COL18A1: variants seen among roughly 807,000 people sequenced by gnomAD.
COL18A1 encodes the protein collagen alpha-1(XVIII) chain.
COL18A1 carries 133 observed loss-of-function variants against 168.0 expected under a neutral mutation model. The ratio of observed to expected loss-of-function variants is 0.79; its 90% CI spans 0.69 to 0.91. The LOEUF (loss-of-function observed/expected upper bound fraction) is 0.91, where lower values mean the gene tolerates loss of function less well. COL18A1 is among the 40% of genes least tolerant of loss of function. The pLI, the probability that COL18A1 is intolerant of heterozygous loss-of-function variation, is 0.00. For missense variants in COL18A1, 2,126 were observed against 1,925.4 expected, an observed-to-expected ratio of 1.10 and a Z score of -1.95; for synonymous variants, 949 against 809.0, an observed-to-expected ratio of 1.17 and a Z score of -2.94.
chr21:45,493,809 C>G, intron 26 of COL18A1: 2 of 563,556 alleles, frequency 3.5e-6, no homozygotes, highest in Admixed American at 6.2e-5. Flanking sequence ...CTGAGCCCAC[C>G]CTGCTGAGGG....
chr21:45,430,834 C>T (rs143251202), intron 2 of COL18A1, among the ~76,000 whole-genome samples: 1 of 152,324 alleles, frequency 6.6e-6, no homozygotes, highest in Non-Finnish European at 1.5e-5. Flanking sequence ...GCCGGGATCA[C>T]GAGGCTCTGC....
chr21:45,458,706 C>A (rs143513815), intron 2 of COL18A1, among the ~76,000 whole-genome samples: 1 of 152,198 alleles, frequency 6.6e-6, no homozygotes, highest in Non-Finnish European at 1.5e-5. Context: ...CCACCTTGTC[C>A]TCCACTGCAA....
chr21:45,482,645 A>G, intron 14 of COL18A1, 150 bp from the exon 15 acceptor site: 1 of 1,178,024 alleles, frequency 8.5e-7, no homozygotes. Context: ...GGGGGATGAC[A>G]GCGGCAACAG....
rs980256000 is a variant in COL18A1 at position 45,490,703 on chromosome 21, T to C, written c.2032-133T>C. 3 of 931,308 alleles carry C rather than the reference T, an allele frequency of 3.2e-6. No homozygotes were observed. In the African/African-American group the frequency reaches 5.0e-5, roughly 15 times the overall value. 57.7% of individuals were successfully genotyped at this position (931,308 alleles called of 1,614,324 possible). A position where few individuals can be genotyped will look rare whatever the true frequency, so the allele number is the denominator to read the frequency against. ...TATAAGTCTCCGTCAGGGCTCTTGGTGGCTGCCTCCCTCCCAGGCCCCAGC... is the reference window on the plus strand; with the variant it reads ...TATAAGTCTCCGTCAGGGCTCTTGGCGGCTGCCTCCCTCCCAGGCCCCAGC... On this transcript the variant is annotated intron_variant, in intron 20 of 41. Transcript: ENST00000651438.
At chr21:45,475,192 C>G (rs1010684700) in intron 4 of COL18A1, among the ~76,000 whole-genome samples, 4 of 152,218 alleles carry the variant, frequency 2.6e-5, no homozygotes, top group African/African-American at 9.6e-5. Context: ...GGAGCGCGTT[C>G]CCCCTCCCGC....
chr21:45,429,844 C>T (rs1030709983), intron 2 of COL18A1, among the ~76,000 whole-genome samples: 7 of 152,256 alleles, frequency 4.6e-5, no homozygotes, highest in African/African-American at 9.6e-5. Context: ...TTCAGCAGAA[C>T]GGCTCCTGTC....
intron 2 of COL18A1, among the ~76,000 whole-genome samples, chr21:45,452,904 T>C (rs905452798): frequency 5.3e-5 from 8 of 152,130 alleles, no homozygotes; most frequent in South Asian, 2.1e-4. Context: ...TGTGAGCATG[T>C]ATGTACATGT....
At chr21:45,419,314 C>T (rs1008929025) in intron 2 of COL18A1, among the ~76,000 whole-genome samples, 1 of 151,922 alleles carries the variant, frequency 6.6e-6, no homozygotes, top group African/African-American at 2.4e-5. Context: ...TGTAGTGACG[C>T]AATGCCGTGT....
At chr21:45,405,694 G>T (rs564927194) in intron 2 of COL18A1, among the ~76,000 whole-genome samples, 1 of 150,938 alleles carries the variant, frequency 6.6e-6, no homozygotes, top group African/African-American at 2.4e-5. Flanking sequence ...CGGGAGGGGT[G>T]CGCGGTGCGA....
rs771006945 is a variant in COL18A1 at position 45,487,657 on chromosome 21, C to T, written c.1896+148C>T. On this transcript the variant is annotated intron_variant, in intron 17 of 41. Transcript: ENST00000651438. ...GGACCACGTGTGGCGGGCGCTGTGC[C>T]CCGCGGGCCACCCTTGTTCTTCGGA... 1.2e-5 allele frequency: 12 copies of T among 984,938 alleles called. No individual in the cohort carries two copies. The African/African-American group carries it at 1.6e-4, about 13-fold the overall frequency. 61.0% of individuals were successfully genotyped at this position (984,938 alleles called of 1,614,324 possible). A position where few individuals can be genotyped will look rare whatever the true frequency, so the allele number is the denominator to read the frequency against.
At chr21:45,480,225 C>T in intron 11 of COL18A1, 69 bp downstream of exon 11, 1 of 1,149,126 alleles carries the variant, frequency 8.7e-7, no homozygotes, top group Non-Finnish European at 1.3e-6. Context: ...TGCCTCTGGC[C>T]CAGAAGTATC....
At chr21:45,406,914 C>T (rs1055938025) in intron 2 of COL18A1, among the ~76,000 whole-genome samples, 2 of 152,226 alleles carry the variant, frequency 1.3e-5, no homozygotes, top group Non-Finnish European at 1.5e-5. Context: ...GGGAAAGTTA[C>T]GGTTGGCCAA....
intron 15 of COL18A1, among the ~76,000 whole-genome samples, chr21:45,484,374 A>G (rs976304818): frequency 4.9e-5 from 7 of 141,744 alleles, no homozygotes; most frequent in African/African-American, 1.1e-4. Context: ...ACATACACGC[A>G]CACACACATC....
At position 45,491,328 on chromosome 21, in the gene COL18A1, G is replaced by A. The variant is rs200650755; in HGVS notation, c.2157+14G>A. The stretch of plus-strand genomic sequence containing the variant: ...TCGGAGCAGGACGTAAGGACGCTGC[G>A]TGGGTGGGCACCCAATCTGTCCAGA... On this transcript the variant is annotated intron_variant, in intron 22 of 41. Coordinates refer to ENST00000651438, the MANE Select transcript of COL18A1 (RefSeq NM_001379500.1). 2.1e-3 allele frequency: 3,401 copies of A among 1,597,882 alleles called. 20 individuals carry two copies. Among genetic ancestry groups the A allele is most frequent in the South Asian group, 9.7e-3 (878 of 90,540 alleles).
At chr21:45,505,029 G>C in intron 34 of COL18A1, 105 bp from the exon 35 acceptor site, 1 of 1,440,106 alleles carries the variant, frequency 6.9e-7, no homozygotes. Context: ...TGACTCAGAG[G>C]CTGCGCTCGC....
rs963680289 is a variant in COL18A1 at position 45,425,156 on chromosome 21, A to G, written c.106+19683A>G. On this transcript the variant is annotated intron_variant, in intron 2 of 41. Transcript: ENST00000651438. This position sits in a 1 kb window ranked among gnomAD's most constrained non-coding sequence, Gnocchi z 4.1. ...GCCTGTGAGCCAATGGGTGGGCAGC[A>G]CCACCCACCGCCTCCTTCCTCACAC... The G allele has an allele frequency of 1.3e-5, 2 of 152,142 alleles. No homozygotes were observed. Among genetic ancestry groups the G allele is most frequent in the African/African-American group, 4.8e-5 (2 of 41,376 alleles). The allele number at this position is 152,142 out of a possible 1,614,324, so 9.4% of individuals were successfully genotyped here. A position where few individuals can be genotyped will look rare whatever the true frequency, so the allele number is the denominator to read the frequency against.
At chr21:45,407,138 C>G (rs1268335978) in intron 2 of COL18A1, among the ~76,000 whole-genome samples, 2 of 152,260 alleles carry the variant, frequency 1.3e-5, no homozygotes, top group Non-Finnish European at 2.9e-5. Context: ...AGCCCGGGTT[C>G]CAGTCCTTGC....
rs559431981 is a variant in COL18A1, at chr21:45,418,877, G to T, written c.106+13404G>T. On this transcript the variant is annotated intron_variant, in intron 2 of 41. Coordinates refer to ENST00000651438, the MANE Select transcript of COL18A1 (RefSeq NM_001379500.1). ...ATACACACCCTCTAGAGGGGCTTGT[G>T]TCATGTGGAACCAGCCAGACCCCCC... Among the ~76,000 whole-genome samples, 66 of 152,214 alleles carry T rather than the reference G, an allele frequency of 4.3e-4. 1 individual carries two copies. Among genetic ancestry groups the T allele is most frequent in the Admixed American group, 3.3e-4 (5 of 15,288 alleles).
rs1427373895 is a variant in COL18A1 at position 45,423,867 on chromosome 21, C to T, written c.106+18394C>T. On this transcript the variant is annotated intron_variant, in intron 2 of 41. Transcript: ENST00000651438. The surrounding 1 kb of genome is among the most constrained non-coding windows in gnomAD (Gnocchi z 4.0). ...TCTTGGAGCAGGGTTCTGCAGTGTC[C>T]TGGGGGCAGAGGCCTGACGCACTCA... 1.3e-5 allele frequency: 2 copies of T among 152,288 alleles called. No homozygotes were observed. The highest frequency in any genetic ancestry group is 2.4e-5 in the African/African-American group (1 of 41,450). The allele number at this position is 152,288 out of a possible 1,614,324, so 9.4% of individuals were successfully genotyped here.
Sources: allele counts gnomAD v4.1 joint callset (sites outside exome capture counted in the v4.1 genomes callset), GRCh38; gene constraint gnomAD v4.1.1; non-coding constraint Gnocchi (gnomAD v3.1); transcripts MANE v1.5; gene names NCBI Gene and HGNC (gene_info 2026-07-23, HGNC 2026-07-21).